LRRC7: variants seen among roughly 807,000 people sequenced by gnomAD.
LRRC7 encodes leucine rich repeat containing 7, also known as leucine-rich repeat-containing protein 7.
A neutral mutation model predicts 175.7 loss-of-function variants in LRRC7; 23 were observed. The ratio of observed to expected loss-of-function variants is 0.13; its 90% CI spans 0.09 to 0.19. The LOEUF (loss-of-function observed/expected upper bound fraction) is 0.19. LRRC7 is among the 10% of genes least tolerant of loss of function. LRRC7 has a pLI of 1.00. For synonymous variants in LRRC7, 685 were observed against 680.9 expected, an observed-to-expected ratio of 1.01 and a Z score of -0.09; for missense variants, 1,354 against 1,904.7, an observed-to-expected ratio of 0.71 and a Z score of 5.38.
intron 23 of LRRC7, among the ~76,000 whole-genome samples, chr1:70,061,371 C>T (rs1289610103): frequency 1.3e-5 from 2 of 152,010 alleles, no homozygotes; most frequent in African/African-American, 4.8e-5. Context: ...GTTCCCCTAC[C>T]CTCCTTTTGG....
chr1:69,919,264 C>T (rs560592583), intron 7 of LRRC7: 13 of 468,420 alleles, frequency 2.8e-5, no homozygotes, highest in Non-Finnish European at 4.6e-5. Flanking sequence ...AGTACACAAG[C>T]AGCCAAATGT....
intron 7 of LRRC7, among the ~76,000 whole-genome samples, chr1:69,873,114 G>C (rs1685716725): frequency 6.6e-6 from 1 of 152,082 alleles, no homozygotes; most frequent in Non-Finnish European, 1.5e-5. Flanking sequence ...ATGAGTAGAA[G>C]CTTGGAAGTG....
chr1:69,769,211 T>C (rs1671951529), intron 3 of LRRC7, among the ~76,000 whole-genome samples: 1 of 152,212 alleles, frequency 6.6e-6, no homozygotes, highest in South Asian at 2.1e-4. Context: ...TTCAGACATA[T>C]TGTTTAACTC....
At chr1:69,975,299 A>G (rs139263913) in intron 8 of LRRC7, among the ~76,000 whole-genome samples, 1 of 152,276 alleles carries the variant, frequency 6.6e-6, no homozygotes, top group African/African-American at 2.4e-5. Context: ...TCACCCACCT[A>G]CACACCAAGA....
intron 2 of LRRC7, among the ~76,000 whole-genome samples, chr1:69,684,474 C>T (rs1469425245): frequency 6.6e-6 from 1 of 152,002 alleles, no homozygotes; most frequent in Non-Finnish European, 1.5e-5. Context: ...GAGGGAAGGC[C>T]AAGCTTTTGA....
At chr1:69,769,800 A>T (rs190293387) in intron 3 of LRRC7, among the ~76,000 whole-genome samples, 4 of 152,326 alleles carry the variant, frequency 2.6e-5, no homozygotes, top group Admixed American at 2.6e-4. Context: ...TATAACACTA[A>T]AATAACAGAA....
chr1:69,785,207 T>C (rs1674264849), intron 3 of LRRC7, among the ~76,000 whole-genome samples: 1 of 152,136 alleles, frequency 6.6e-6, no homozygotes, highest in Non-Finnish European at 1.5e-5. Context: ...AATGTTCCTT[T>C]AAATATATTA....
chr1:69,888,856 A>G (rs953197893), intron 7 of LRRC7, among the ~76,000 whole-genome samples: 2 of 152,208 alleles, frequency 1.3e-5, no homozygotes, highest in African/African-American at 4.8e-5. Context: ...CCTAATGTAC[A>G]GCATAAGAAT....
intron 1 of LRRC7, among the ~76,000 whole-genome samples, chr1:69,608,517 C>A (rs1363902611): frequency 2.6e-5 from 4 of 152,042 alleles, no homozygotes; most frequent in Non-Finnish European, 5.9e-5. Context: ...GCAGGCAGAG[C>A]CTAACTCAGC....
chr1:69,865,027 C>T (rs781419317), intron 7 of LRRC7, among the ~76,000 whole-genome samples: 2 of 152,016 alleles, frequency 1.3e-5, no homozygotes, highest in African/African-American at 2.4e-5. Flanking sequence ...TTGCCATTAG[C>T]CTTTAGGGAC....
chr1:69,760,344 C>T lies in LRRC7; in HGVS notation c.254C>T (p.Thr85Ile). Residue 85 changes from threonine (T) to isoleucine (I), a missense_variant, in exon 3 of 27, where the codon ACA becomes ATA. By Grantham distance (89) the Thr-to-Ile change is moderately conservative. Coordinates refer to ENST00000651989, the MANE Select transcript of LRRC7 (RefSeq NM_001370785.2). ...VPKEVFNFER[T>I]LEELYLDANQ... ...AAGGAGGTCTTTAACTTCGAACGAA[C>T]ATTAGAGGAGCTTTATCTAGATGCC... 6.2e-7 allele frequency: 1 copy of T among 1,612,786 alleles called. No homozygotes were observed. Among genetic ancestry groups the T allele is most frequent in the Non-Finnish European group, 8.5e-7 (1 of 1,179,226 alleles).
chr1:69,916,224 TAATA>T (rs1646709146), intron 7 of LRRC7, among the ~76,000 whole-genome samples: 1 of 108,280 alleles, frequency 9.2e-6, no homozygotes, highest in Non-Finnish European at 1.9e-5. Context: ...TTATTATGTA[TAATA>T]TAAATATATT....
chr1:70,008,721 A>G (rs1299871246), intron 11 of LRRC7, among the ~76,000 whole-genome samples: 1 of 152,180 alleles, frequency 6.6e-6, no homozygotes. Flanking sequence ...GCATTATCCA[A>G]TAGTTGTAGT....
intron 1 of LRRC7, among the ~76,000 whole-genome samples, chr1:69,671,506 G>A (rs546858734): frequency 1.4e-4 from 21 of 152,126 alleles, no homozygotes; most frequent in Non-Finnish European, 1.9e-4. Context: ...CAACCAGTTG[G>A]TATCTCAGTA....
intron 1 of LRRC7, among the ~76,000 whole-genome samples, chr1:69,610,571 C>A (rs554522133): frequency 6.6e-6 from 1 of 151,926 alleles, no homozygotes; most frequent in Admixed American, 6.6e-5. Flanking sequence ...TTGTAAATAG[C>A]TTCTTTGTCT....
intron 8 of LRRC7, among the ~76,000 whole-genome samples, chr1:69,980,036 G>C (rs939743929): frequency 1.3e-5 from 2 of 152,068 alleles, no homozygotes; most frequent in Non-Finnish European, 2.9e-5. Flanking sequence ...CATTCCCCAG[G>C]TCTTCAAAAG....
chr1:69,590,466 A>G (rs1646586470), intron 1 of LRRC7, among the ~76,000 whole-genome samples: 1 of 152,152 alleles, frequency 6.6e-6, no homozygotes, highest in Non-Finnish European at 1.5e-5. Context: ...AAATCTAATA[A>G]TATCAACAAT....
intron 7 of LRRC7, among the ~76,000 whole-genome samples, chr1:69,852,993 T>C (rs2101472477): frequency 6.6e-6 from 1 of 152,272 alleles, no homozygotes; most frequent in Middle Eastern, 3.4e-3. Flanking sequence ...TAGGTAGCTT[T>C]TACCAAAGCT....
chr1:70,068,334 ACTT>A (rs1411947433), intron 23 of LRRC7, among the ~76,000 whole-genome samples: 14 of 152,258 alleles, frequency 9.2e-5, no homozygotes, highest in East Asian at 1.9e-4. Flanking sequence ...TTTGTCAAAT[ACTT>A]CTTCTGCTTC....
Sources: gnomAD v4.1 joint callset for allele counts (sites outside exome capture counted in the v4.1 genomes callset) on GRCh38, gnomAD v4.1.1 for gene constraint, MANE v1.5 for transcripts, NCBI Gene and HGNC (gene_info 2026-07-23, HGNC 2026-07-21) for gene names.